Variants in MKLN1 observed in about 807,000 individuals in gnomAD.
MKLN1 encodes muskelin 1.
Under a neutral mutation model 99.0 loss-of-function variants are expected in MKLN1, and 18 were observed. The observed-to-expected ratio is 0.18, with a 90% confidence interval of 0.13 to 0.27. The LOEUF is 0.27. MKLN1 is among the 10% of genes least tolerant of loss of function. The pLI, the probability that MKLN1 is intolerant of heterozygous loss-of-function variation, is 1.00. For missense variants in MKLN1, 621 were observed against 875.9 expected (o/e 0.71, Z 3.67); for synonymous variants, 288 against 293.2 (o/e 0.98, Z 0.18).
intron 3 of MKLN1, among the ~76,000 whole-genome samples, chr7:131,294,677 T>A (rs1410073915): frequency 6.6e-6 from 1 of 152,188 alleles, no homozygotes. Context: ...GTACACAAGC[T>A]CATCTTCCCA....
chr7:131,285,671 A>G (rs1798120562), intron 3 of MKLN1, among the ~76,000 whole-genome samples: 1 of 152,292 alleles, frequency 6.6e-6, no homozygotes, highest in African/African-American at 2.4e-5. Flanking sequence ...GCCTCTGTAG[A>G]TACAATAGGG....
At chr7:131,275,365 G>GTTTTT (rs909251138) in intron 3 of MKLN1, among the ~76,000 whole-genome samples, 3 of 105,204 alleles carry the variant, frequency 2.9e-5, no homozygotes, top group Non-Finnish European at 3.8e-5. Flanking sequence ...GTTGTTGTTG[G>GTTTTT]TTTTTTTTTT....
intron 14 of MKLN1, among the ~76,000 whole-genome samples, chr7:131,465,033 A>G (rs1796619358): frequency 6.6e-6 from 1 of 152,210 alleles, no homozygotes. Flanking sequence ...TCTACGCAAT[A>G]CACTTTGAGA....
In MKLN1 at chr7:131,414,235, C is replaced by T. The variant is rs111875790; in HGVS notation, c.782-410C>T. ...TTCAGTAAATAGTTTGATAACTCGA[C>T]TTTAAAACTGCTCATCATACTAATG... is the stretch of plus-strand genomic sequence containing the variant. On this transcript the variant is annotated intron_variant, in intron 7 of 17. Transcript: ENST00000352689. Among the ~76,000 whole-genome samples, 474 of 152,252 alleles carry T rather than the reference C, an allele frequency of 3.1e-3. 1 individual carries two copies. Among genetic ancestry groups the T allele is most frequent in the African/African-American group, 0.011 (452 of 41,554 alleles).
At chr7:131,398,288 T>C (rs545705910) in intron 5 of MKLN1, among the ~76,000 whole-genome samples, 2 of 152,112 alleles carry the variant, frequency 1.3e-5, no homozygotes, top group Admixed American at 1.3e-4. Context: ...TTTTGGCATC[T>C]ATCCTATTAG....
intron 3 of MKLN1, among the ~76,000 whole-genome samples, chr7:131,215,566 G>A (rs1468945507): frequency 6.6e-6 from 1 of 152,164 alleles, no homozygotes; most frequent in East Asian, 1.9e-4. Flanking sequence ...CTGGGCTCAA[G>A]CAATCCTCCC....
At chr7:131,395,921 T>C (rs567082022) in intron 4 of MKLN1, among the ~76,000 whole-genome samples, 2 of 151,964 alleles carry the variant, frequency 1.3e-5, no homozygotes, top group South Asian at 4.1e-4. Context: ...TTGCGTATTT[T>C]AAGTTTATTC....
chr7:131,131,474 G>A lies in MKLN1; in HGVS notation c.-418-11346G>A, dbSNP rs537043188. ...CAAGTACTTATGTGCAAGGTTCTAT[G>A]CAAAAACGCTTTTCATTCATCATCT... On this transcript the variant is annotated intron_variant, in intron 1 of 7. Transcript: ENST00000416992. 8.5e-5 allele frequency among the ~76,000 whole-genome samples: 13 copies of A among 152,282 alleles called. 2 individuals are homozygous for A. In the South Asian group the frequency reaches 2.7e-3, roughly 32 times the overall value.
chr7:131,159,872 A>G (rs1796021541), intron 2 of MKLN1, among the ~76,000 whole-genome samples: 1 of 152,150 alleles, frequency 6.6e-6, no homozygotes, highest in South Asian at 2.1e-4. Flanking sequence ...TCCTCATAAC[A>G]AGCCCAGGCA....
chr7:131,315,495 G>A (rs954414820), intron 3 of MKLN1, among the ~76,000 whole-genome samples: 1 of 152,206 alleles, frequency 6.6e-6, no homozygotes, highest in Non-Finnish European at 1.5e-5. Context: ...CAGGCACTGA[G>A]CTAGCTACAG....
chr7:131,470,329 T>C lies in MKLN1; in HGVS notation c.1929-513T>C, dbSNP rs528424800. On this transcript the variant is annotated intron_variant, in intron 15 of 17. Coordinates refer to ENST00000352689, the MANE Select transcript of MKLN1 (RefSeq NM_013255.5). ...GCAGTTGTTTTTACTGACTGAGACA[T>C]GGACATAATCTCATTAAAAGTAATC... Among the ~76,000 whole-genome samples the C allele has an allele frequency of 6.6e-5, 10 of 152,376 alleles. No homozygotes were observed. In the South Asian group the frequency reaches 8.3e-4, roughly 13 times the overall value.
intron 3 of MKLN1, among the ~76,000 whole-genome samples, chr7:131,209,577 G>T (rs1796869896): frequency 6.6e-6 from 1 of 152,198 alleles, no homozygotes; most frequent in African/African-American, 2.4e-5. Flanking sequence ...AGACAGGTTG[G>T]CTGGGAACAA....
intron 1 of MKLN1, among the ~76,000 whole-genome samples, chr7:131,127,897 T>C (rs2116216674): frequency 6.6e-6 from 1 of 152,312 alleles, no homozygotes; most frequent in South Asian, 2.1e-4. Flanking sequence ...ATGCTGAGTA[T>C]ATTTGTTTTT....
At chr7:131,194,338 A>G (rs1376641924) in intron 2 of MKLN1, among the ~76,000 whole-genome samples, 54 of 152,246 alleles carry the variant, frequency 3.5e-4, no homozygotes, top group Non-Finnish European at 5.4e-4. Context: ...GAGTTTGTGT[A>G]TTTACCTGTT....
At chr7:131,448,962 A>G (rs1035889224) in intron 12 of MKLN1, among the ~76,000 whole-genome samples, 1 of 152,206 alleles carries the variant, frequency 6.6e-6, no homozygotes, top group Non-Finnish European at 1.5e-5. Context: ...GACCTGGAGG[A>G]TAAGATCCTT....
Position 131,440,288 on chromosome 7 carries a change from AGAT to A in MKLN1, c.1173+2292_1173+2294del, listed in dbSNP as rs1221792709. The stretch of plus-strand genomic sequence containing the variant: ...AGAAACCTGGGGAGCTCAAAGCTTG[AGAT>A]CAGCCCTGTAAGCCAGATGAGAGTC... On this transcript the variant is annotated intron_variant, in intron 10 of 17. Transcript: ENST00000352689. 2.4e-4 allele frequency among the ~76,000 whole-genome samples: 36 copies of A among 152,342 alleles called. No individual in the cohort carries two copies. In the East Asian group the frequency reaches 6.2e-3, roughly 26 times the overall value.
At chr7:131,463,413 GGTT>G in intron 13 of MKLN1, 49 bp downstream of exon 13, 1 of 1,545,520 alleles carries the variant, frequency 6.5e-7, no homozygotes, top group Non-Finnish European at 8.8e-7. Context: ...AATTATTTGA[GGTT>G]GTTGGTTTAT....
chr7:131,248,676 C>T (rs1446144391), intron 3 of MKLN1, among the ~76,000 whole-genome samples: 1 of 152,058 alleles, frequency 6.6e-6, no homozygotes, highest in Non-Finnish European at 1.5e-5. Flanking sequence ...TTTTTCTCAT[C>T]TCGTCCAGGT....
chr7:131,444,718 G>GAGTAGT lies in MKLN1; in HGVS notation c.1396-1020_1396-1015dup, dbSNP rs60571380. Among the ~76,000 whole-genome samples the GAGTAGT allele has an allele frequency of 4.2e-3, 542 of 128,598 alleles. 4 individuals carry two copies. Among genetic ancestry groups the GAGTAGT allele is most frequent in the Middle Eastern group, 0.012 (3 of 244 alleles). The allele number at this position is 128,598 out of a possible 152,430, so 84.4% of individuals were successfully genotyped here. A position where few individuals can be genotyped will look rare whatever the true frequency, so the allele number is the denominator to read the frequency against. ...GTGTGTACCACCACACCTGGGTTTT[G>GAGTAGT]AGTAGTAGTAGTAGTAGTAGTAGTA... On this transcript the variant is annotated intron_variant, in intron 11 of 17. Coordinates refer to ENST00000352689, the MANE Select transcript of MKLN1 (RefSeq NM_013255.5).
Sources: allele counts gnomAD v4.1 joint callset (sites outside exome capture counted in the v4.1 genomes callset), GRCh38; gene constraint gnomAD v4.1.1; transcripts MANE v1.5; gene names NCBI Gene and HGNC (gene_info 2026-07-23, HGNC 2026-07-21).